The following TBC1D5 variants were observed in gnomAD, a reference collection of about 807,000 sequenced individuals.
TBC1D5 encodes the protein TBC1 domain family member 5.
TBC1D5 carries 75 observed loss-of-function variants against 100.3 expected under a neutral mutation model. The observed-to-expected ratio is 0.75, with a 90% CI of 0.62 to 0.91. The LOEUF (loss-of-function observed/expected upper bound fraction) is 0.91. TBC1D5 is among the 40% of genes least tolerant of loss of function. The pLI is 0.00. For missense variants in TBC1D5, 910 were observed against 942.4 expected (o/e 0.97, Z 0.45); for synonymous variants, 323 against 325.6 (o/e 0.99, Z 0.09).
chr3:17,568,799 C>T (rs1435590271), intron 2 of TBC1D5, among the ~76,000 whole-genome samples: 3 of 151,468 alleles, frequency 2.0e-5, no homozygotes, highest in Non-Finnish European at 3.0e-5. Context: ...TCTCTTCTTT[C>T]GATCTTAAAA....
At chr3:17,665,303 T>C (rs547818874) in intron 1 of TBC1D5, among the ~76,000 whole-genome samples, 38 of 152,340 alleles carry the variant, frequency 2.5e-4, no homozygotes, top group African/African-American at 8.9e-4. Flanking sequence ...CTCTTTGTAG[T>C]AGAACTGAAG....
At chr3:17,492,731 C>T (rs1277812245) in intron 3 of TBC1D5, among the ~76,000 whole-genome samples, 1 of 152,156 alleles carries the variant, frequency 6.6e-6, no homozygotes, top group Non-Finnish European at 1.5e-5. Flanking sequence ...CCACCATACT[C>T]GGACATAAAT....
At chr3:17,436,089 A>AG (rs2094530662) in intron 3 of TBC1D5, among the ~76,000 whole-genome samples, 4 of 152,198 alleles carry the variant, frequency 2.6e-5, no homozygotes, top group Admixed American at 2.6e-4. Flanking sequence ...TATTTCCAGG[A>AG]GTAAGCCTTA....
chr3:17,308,472 G>T (rs1285648753), intron 13 of TBC1D5, among the ~76,000 whole-genome samples: 1 of 152,058 alleles, frequency 6.6e-6, no homozygotes, highest in African/African-American at 2.4e-5. Flanking sequence ...AGGTAAGGTT[G>T]TAAGTTAAAA....
chr3:17,319,600 G>A (rs1203380439), intron 13 of TBC1D5, among the ~76,000 whole-genome samples: 1 of 152,118 alleles, frequency 6.6e-6, no homozygotes, highest in Non-Finnish European at 1.5e-5. Context: ...TTTTATGCAG[G>A]TATTTACCTG....
chr3:17,503,855 A>G (rs1381368714), intron 3 of TBC1D5, among the ~76,000 whole-genome samples: 1 of 149,802 alleles, frequency 6.7e-6, no homozygotes, highest in African/African-American at 2.5e-5. Flanking sequence ...CATTAACTCA[A>G]TAATTCTTAA....
intron 16 of TBC1D5, among the ~76,000 whole-genome samples, chr3:17,243,705 T>C (rs2076498583): frequency 6.6e-6 from 1 of 152,046 alleles, no homozygotes; most frequent in African/African-American, 2.4e-5. Flanking sequence ...TGAGTTTAAA[T>C]TAAAAAAAAA....
chr3:17,564,871 G>T (rs2096583910), intron 2 of TBC1D5, among the ~76,000 whole-genome samples: 1 of 151,470 alleles, frequency 6.6e-6, no homozygotes, highest in African/African-American at 2.4e-5. Flanking sequence ...TACCATGAGT[G>T]GGAAAAAAAG....
At chr3:17,456,052 A>T (rs1462403495) in intron 3 of TBC1D5, among the ~76,000 whole-genome samples, 1 of 152,192 alleles carries the variant, frequency 6.6e-6, no homozygotes, top group Non-Finnish European at 1.5e-5. Context: ...CAGGGAAAAG[A>T]CAGTCTCTTC....
upstream of TBC1D5, among the ~76,000 whole-genome samples, chr3:17,742,317 G>GGCGGCT (rs1012045625): frequency 1.1e-4 from 17 of 152,250 alleles, no homozygotes; most frequent in South Asian, 1.2e-3. Flanking sequence ...AGAAGGCGGC[G>GGCGGCT]GCGGCTGCGG....
At chr3:17,567,764 C>T (rs949619156) in intron 2 of TBC1D5, among the ~76,000 whole-genome samples, 1 of 151,682 alleles carries the variant, frequency 6.6e-6, no homozygotes, top group Admixed American at 6.6e-5. Context: ...TACAGCGCAG[C>T]AGTTAATACT....
intron 2 of TBC1D5, among the ~76,000 whole-genome samples, chr3:17,559,341 A>T (rs575754768): frequency 2.0e-5 from 3 of 151,864 alleles, no homozygotes; most frequent in African/African-American, 7.3e-5. Flanking sequence ...GGGTTTCACC[A>T]TGTTGGCCAG....
chr3:17,732,191 G>A (rs886963757), intron 1 of TBC1D5, among the ~76,000 whole-genome samples: 1 of 151,962 alleles, frequency 6.6e-6, no homozygotes, highest in Admixed American at 6.6e-5. Flanking sequence ...GGTGGTGGGC[G>A]CCTGTAATCC....
intron 3 of TBC1D5, among the ~76,000 whole-genome samples, chr3:17,437,308 T>C (rs1047060547): frequency 6.6e-6 from 1 of 152,146 alleles, no homozygotes; most frequent in Non-Finnish European, 1.5e-5. Flanking sequence ...CAGACTAAGA[T>C]AACACATAAT....
intron 3 of TBC1D5, among the ~76,000 whole-genome samples, chr3:17,447,878 A>G (rs2094836486): frequency 6.6e-6 from 1 of 152,244 alleles, no homozygotes. Context: ...CAGGAAAACT[A>G]AACTTCTAAA....
chr3:17,430,938 C>T (rs1425523085), intron 3 of TBC1D5, among the ~76,000 whole-genome samples: 2 of 151,874 alleles, frequency 1.3e-5, no homozygotes, highest in South Asian at 2.1e-4. Context: ...AACAGAAAGG[C>T]TCATTTTTCA....
At chr3:17,549,674 TAATC>T (rs1038674454) in intron 2 of TBC1D5, among the ~76,000 whole-genome samples, 2 of 152,060 alleles carry the variant, frequency 1.3e-5, no homozygotes, top group African/African-American at 2.4e-5. Context: ...CTCACGCCTG[TAATC>T]CCAGCACTTT....
At chr3:17,717,300 G>C (rs1281972648) in intron 1 of TBC1D5, among the ~76,000 whole-genome samples, 1 of 126,598 alleles carries the variant, frequency 7.9e-6, no homozygotes, top group Non-Finnish European at 1.7e-5. Flanking sequence ...TGATAGTCTA[G>C]CTAATACTTT....
chr3:17,450,852 A>G (rs2094909691), intron 3 of TBC1D5, among the ~76,000 whole-genome samples: 1 of 152,246 alleles, frequency 6.6e-6, no homozygotes, highest in East Asian at 1.9e-4. Context: ...CTAGCAAGAC[A>G]GGCCAACATT....
Sources: allele counts gnomAD v4.1 joint callset (sites outside exome capture counted in the v4.1 genomes callset), GRCh38; gene constraint gnomAD v4.1.1; transcripts MANE v1.5; gene names NCBI Gene and HGNC (gene_info 2026-07-23, HGNC 2026-07-21).